PDZD9: variants seen among roughly 807,000 people sequenced by gnomAD.
PDZD9 encodes PDZ domain-containing protein 9.
In PDZD9, 13 loss-of-function variants were observed where a neutral mutation model predicts 16.3. The observed-to-expected ratio is 0.80, with a 90% CI of 0.52 to 1.27. The LOEUF (loss-of-function observed/expected upper bound fraction) is 1.27, where lower values mean the gene tolerates loss of function less well. Among genes scored for constraint, PDZD9 ranks in the 50% most tolerant of loss-of-function variants. The pLI is 0.00. For synonymous variants in PDZD9, 120 were observed against 111.0 expected (o/e 1.08, Z -0.51); for missense variants, 288 against 310.9 (o/e 0.93, Z 0.55).
chr16:21,980,310 G>T, downstream of PDZD9: 1 of 456,282 alleles, frequency 2.2e-6, no homozygotes, highest in Non-Finnish European at 3.9e-6. Flanking sequence ...AGGCCAAAGT[G>T]GGCCCTCAAT....
At chr16:21,963,995 T>C in the PDZD9 span, among the ~76,000 whole-genome samples, 3 of 152,190 alleles carry the variant, frequency 2.0e-5, no homozygotes, top group African/African-American at 7.2e-5. Context: ...CAACTGGTAA[T>C]ACAAGTCTGT....
the PDZD9 span, chr16:21,976,324 C>G: frequency 3.3e-6 from 4 of 1,227,620 alleles, no homozygotes; most frequent in Non-Finnish European, 3.6e-6. Flanking sequence ...ATATTACAAT[C>G]TATGCTCATA....
intron 2 of PDZD9, among the ~76,000 whole-genome samples, chr16:21,994,372 T>C (rs909301692): frequency 1.3e-5 from 2 of 152,234 alleles, no homozygotes; most frequent in South Asian, 4.1e-4. Flanking sequence ...CAATGTTTTT[T>C]CTTTCTCACC....
chr16:21,967,414 TA>T, the PDZD9 span, among the ~76,000 whole-genome samples: 1 of 152,212 alleles, frequency 6.6e-6, no homozygotes, highest in Admixed American at 6.5e-5. Flanking sequence ...TGTATATTTG[TA>T]CTTTTTACAT....
At chr16:21,986,002 A>G (rs1307570200) in intron 3 of PDZD9, among the ~76,000 whole-genome samples, 1 of 151,974 alleles carries the variant, frequency 6.6e-6, no homozygotes, top group African/African-American at 2.4e-5. Flanking sequence ...AATCCTTGGC[A>G]ACTCTGATGG....
downstream of PDZD9, chr16:21,980,516 C>G (rs1270254650): frequency 1.2e-6 from 2 of 1,605,022 alleles, no homozygotes; most frequent in Admixed American, 3.5e-5. Context: ...GCCTTGCTCT[C>G]TAAAACTGAC....
At chr16:21,958,437 T>C in the PDZD9 span, 14 of 1,065,504 alleles carry the variant, frequency 1.3e-5, no homozygotes, top group Non-Finnish European at 2.0e-5. Flanking sequence ...TTAGTAAAAT[T>C]CTTTTTAAAT....
the PDZD9 span, among the ~76,000 whole-genome samples, chr16:21,960,553 C>A: frequency 6.6e-6 from 1 of 152,192 alleles, no homozygotes; most frequent in Non-Finnish European, 1.5e-5. Flanking sequence ...TCTTCAAGAA[C>A]TGCACTGGTG....
At chr16:21,973,885 T>C in the PDZD9 span, 42 of 1,611,678 alleles carry the variant, frequency 2.6e-5, no homozygotes, top group Non-Finnish European at 3.4e-5. Flanking sequence ...TAAAGTCTCA[T>C]TATCTTTCAG....
At chr16:21,979,655 C>T (rs938694592), downstream of PDZD9, among the ~76,000 whole-genome samples, 2 of 152,148 alleles carry the variant, frequency 1.3e-5, no homozygotes, top group African/African-American at 4.8e-5. Flanking sequence ...CTCCTGCTTT[C>T]GAGTGAGTCA....
At chr16:21,988,163 A>G (rs1898928570) in intron 3 of PDZD9, among the ~76,000 whole-genome samples, 2 of 151,936 alleles carry the variant, frequency 1.3e-5, no homozygotes, top group South Asian at 4.2e-4. Context: ...ACGCGCCACC[A>G]CATCCAGCTA....
chr16:21,972,717 C>T, the PDZD9 span, among the ~76,000 whole-genome samples: 1 of 151,788 alleles, frequency 6.6e-6, no homozygotes, highest in Non-Finnish European at 1.5e-5. Flanking sequence ...CTCTCCTAAT[C>T]CAATGAAGTA....
At chr16:21,973,956 C>G in the PDZD9 span, 1 of 1,608,938 alleles carries the variant, frequency 6.2e-7, no homozygotes, top group South Asian at 1.1e-5. Context: ...TACTATCTCC[C>G]AGGCCACAGC....
At chr16:21,976,133 A>G in the PDZD9 span, 2 of 1,527,172 alleles carry the variant, frequency 1.3e-6, no homozygotes, top group Middle Eastern at 3.4e-4. Flanking sequence ...TCTGGTACTG[A>G]CCACAGATGA....
the PDZD9 span, among the ~76,000 whole-genome samples, chr16:21,978,486 C>T: frequency 2.0e-5 from 3 of 152,088 alleles, no homozygotes; most frequent in Non-Finnish European, 4.4e-5. Flanking sequence ...TTTAAGCTGC[C>T]GTTGCTTACA....
At chr16:21,962,980 T>C in the PDZD9 span, 1 of 1,375,040 alleles carries the variant, frequency 7.3e-7, no homozygotes, top group Admixed American at 2.7e-5. Context: ...AAAATTTTTA[T>C]TTTTATTTTT....
intron 2 of PDZD9, among the ~76,000 whole-genome samples, chr16:21,995,844 T>C (rs1462041172): frequency 6.6e-6 from 1 of 152,186 alleles, no homozygotes; most frequent in Non-Finnish European, 1.5e-5. Flanking sequence ...CAGGCTGGAG[T>C]GCAGTGGCGC....
chr16:21,980,537 T>C, downstream of PDZD9: 1 of 1,609,470 alleles, frequency 6.2e-7, no homozygotes, highest in Non-Finnish European at 8.5e-7. Flanking sequence ...TTCTGCCTTT[T>C]ATTGGACAGG....
the PDZD9 span, chr16:21,972,165 C>T: frequency 1.9e-6 from 3 of 1,568,762 alleles, no homozygotes; most frequent in Non-Finnish European, 2.6e-6. Flanking sequence ...CTTTCAAAGG[C>T]TCAGTATTTA....
Sources: allele counts gnomAD v4.1 joint callset (sites outside exome capture counted in the v4.1 genomes callset), GRCh38; gene constraint gnomAD v4.1.1; transcripts MANE v1.5; gene names NCBI Gene and HGNC (gene_info 2026-07-23, HGNC 2026-07-21).